Variants in ZNF324B observed in about 807,000 individuals in gnomAD.
ZNF324B encodes zinc finger protein 324B.
ZNF324B carries 7 observed loss-of-function variants against 10.6 expected under a neutral mutation model. That is an observed-to-expected ratio of 0.66 (90% CI 0.38 to 1.24). The LOEUF (loss-of-function observed/expected upper bound fraction) is 1.24, where lower values mean the gene tolerates loss of function less well. ZNF324B is among the 50% of genes most tolerant of loss of function. The pLI is 0.02. For synonymous variants in ZNF324B, 316 were observed against 321.0 expected, an observed-to-expected ratio of 0.98 and a Z score of 0.17; for missense variants, 640 against 764.7, an observed-to-expected ratio of 0.84 and a Z score of 1.92.
chr19:58,427,358 CTTTCTTTCTTTCTTTCTTTCTTTCTTT>C, the ZNF324B span, among the ~76,000 whole-genome samples: 13 of 55,228 alleles, frequency 2.4e-4, no homozygotes, highest in Admixed American at 1.7e-3. Context: ...TCCTTTCTTT[CTTTCTTTCTTTCTTTCTTTCTTTCTTT>C]CTTTCTTTCT....
At chr19:58,447,277 C>T (rs141562101), upstream of ZNF324B, among the ~76,000 whole-genome samples, 38 of 152,294 alleles carry the variant, frequency 2.5e-4, no homozygotes, top group East Asian at 6.0e-3. Flanking sequence ...CATGCCTGGC[C>T]GACAATGCAG....
chr19:58,435,232 G>C, the ZNF324B span: 8 of 1,590,662 alleles, frequency 5.0e-6, no homozygotes, highest in East Asian at 6.7e-5. Context: ...AGAAATGCCA[G>C]TTAACTAAGA....
chr19:58,431,635 G>A, the ZNF324B span, among the ~76,000 whole-genome samples: 1 of 152,162 alleles, frequency 6.6e-6, no homozygotes, highest in African/African-American at 2.4e-5. Context: ...TATGGGGGAG[G>A]TCAAAGAAAC....
upstream of ZNF324B, among the ~76,000 whole-genome samples, chr19:58,450,257 T>C (rs2052845937): frequency 6.6e-6 from 1 of 152,140 alleles, no homozygotes; most frequent in South Asian, 2.1e-4. Context: ...AAACCTCTTT[T>C]TCTTTATAAA....
the ZNF324B span, chr19:58,442,945 A>C: frequency 1.2e-4 from 19 of 152,390 alleles, no homozygotes; most frequent in African/African-American, 4.6e-4. Context: ...TTGGGTGGCC[A>C]GCTTTTATTC....
chr19:58,446,507 A>T, the ZNF324B span, among the ~76,000 whole-genome samples: 2 of 150,364 alleles, frequency 1.3e-5, no homozygotes, highest in African/African-American at 4.9e-5. Context: ...ATGCTCACTC[A>T]TGATGGGGTT....
chr19:58,455,504 G>A lies in ZNF324B; in HGVS notation c.560G>A (p.Arg187Lys), dbSNP rs757680774. ...KTFTEYRVPGRQPRTPERQKP... is the reference protein window; with the variant it reads ...KTFTEYRVPGKQPRTPERQKP... ...TTCACAGAGTACCGGGTGCCTGGGA[G>A]GCAGCCCAGGACGCCTGAGCGGCAG... Residue 187 changes from arginine (R) to lysine (K), a missense_variant, in exon 4 of 4, where the codon AGG becomes AAG. This residue lies in a region of ZNF324B where 345 missense variants were observed against 387.9 expected (regional missense o/e 0.89). Transcript: ENST00000336614. This position sits in a 1 kb window ranked among gnomAD's most constrained non-coding sequence, Gnocchi z 7.0. 1.9e-6 allele frequency: 3 copies of A among 1,613,986 alleles called. No homozygotes were observed. Among genetic ancestry groups the A allele is most frequent in the Non-Finnish European group, 2.5e-6 (3 of 1,179,996 alleles).
intron 2 of ZNF324B, 71 bp downstream of exon 2, chr19:58,453,893 G>A: frequency 6.4e-7 from 1 of 1,563,932 alleles, no homozygotes; most frequent in Non-Finnish European, 8.7e-7. Context: ...TTCCCTCCTG[G>A]TTGATGAGCA....
the ZNF324B span, chr19:58,442,713 T>C: frequency 6.6e-6 from 1 of 152,344 alleles, no homozygotes; most frequent in Non-Finnish European, 1.5e-5. Flanking sequence ...GCAATGAGTG[T>C]TACAGCTCGT....
the ZNF324B span, among the ~76,000 whole-genome samples, chr19:58,437,482 T>C: frequency 3.3e-5 from 5 of 152,146 alleles, no homozygotes; most frequent in African/African-American, 4.8e-5. Flanking sequence ...GGTGGGCAGA[T>C]GGATGCTTCC....
upstream of ZNF324B, among the ~76,000 whole-genome samples, chr19:58,449,536 G>T (rs2052841333): frequency 6.6e-6 from 1 of 152,216 alleles, no homozygotes; most frequent in Non-Finnish European, 1.5e-5. Context: ...GAGGGAGGCT[G>T]TACCCTGCAA....
chr19:58,440,551 C>T, the ZNF324B span: 1 of 152,416 alleles, frequency 6.6e-6, no homozygotes, highest in African/African-American at 2.4e-5. Context: ...CTTGGAGGCT[C>T]CCTGGGCCCA....
In ZNF324B at chr19:58,456,958, G is replaced by A; in HGVS notation, c.*379G>A. ...GGGGGATGCGGACATGGGGTAGGAT[G>A]ACCTAGAGAAACTTATGATGTCTGC... On this transcript the variant is annotated 3_prime_UTR_variant, in exon 4 of 4. Transcript: ENST00000336614. This position sits in a 1 kb window ranked among gnomAD's most constrained non-coding sequence, Gnocchi z 4.7. 1 of 278,574 alleles carries A rather than the reference G, an allele frequency of 3.6e-6. No individual in the cohort carries two copies. The highest frequency in any genetic ancestry group is 7.2e-5 in the East Asian group (1 of 13,826). The allele number at this position is 278,574 out of a possible 1,614,324, so 17.3% of individuals were successfully genotyped here. A position where few individuals can be genotyped will look rare whatever the true frequency, so the allele number is the denominator to read the frequency against.
At chr19:58,448,596 G>A (rs538080048), upstream of ZNF324B, among the ~76,000 whole-genome samples, 10 of 152,206 alleles carry the variant, frequency 6.6e-5, no homozygotes, top group South Asian at 2.1e-4. Context: ...GCATGATGGC[G>A]GGTGCCTGTA....
upstream of ZNF324B, among the ~76,000 whole-genome samples, chr19:58,449,039 A>T (rs2052839423): frequency 6.6e-6 from 1 of 152,168 alleles, no homozygotes; most frequent in Non-Finnish European, 1.5e-5. Flanking sequence ...GCCTAGGAGG[A>T]AAAAATGGTT....
At chr19:58,427,496 TTCTTTCTTTTTCTTTC>T in the ZNF324B span, among the ~76,000 whole-genome samples, 3 of 100,056 alleles carry the variant, frequency 3.0e-5, no homozygotes, top group African/African-American at 1.3e-4. Flanking sequence ...CTTCCTTCCT[TTCTTTCTTTTTCTTTC>T]TTTCTTTCTT....
chr19:58,455,064 C>T lies in ZNF324B; in HGVS notation c.239-119C>T. On this transcript the variant is annotated intron_variant, in intron 3 of 3. Transcript: ENST00000336614. The surrounding 1 kb of genome is among the most constrained non-coding windows in gnomAD (Gnocchi z 7.0). ...CCCTCCTGCAGAGCCAGCCTCACCT[C>T]TTCTTTTTCCCTAAGCTTTTGTCCC... 1 of 1,409,816 alleles carries T rather than the reference C, an allele frequency of 7.1e-7. No individual in the cohort carries two copies. Among genetic ancestry groups the T allele is most frequent in the Non-Finnish European group, 1.0e-6 (1 of 1,000,036 alleles). The allele number at this position is 1,409,816 out of a possible 1,614,324, so 87.3% of individuals were successfully genotyped here.
In ZNF324B at chr19:58,455,394, C is replaced by T. The variant is rs2052905145; in HGVS notation, c.450C>T (p.Gly150=). 3 of 1,614,104 alleles carry T rather than the reference C, an allele frequency of 1.9e-6. No individual in the cohort carries two copies. The highest frequency in any genetic ancestry group is 1.6e-4 in the Middle Eastern group (1 of 6,084). ...TCTACTGGGAGAGGCTCCTGCTAGG[C>T]TCGCGCAGTGACCAGGCCAGCATCA... ...SVIYWERLLL[G]SRSDQASISL... Residue 150 remains glycine, a synonymous_variant, in exon 4 of 4, where the codon GGC becomes GGT. Transcript: ENST00000336614. The surrounding 1 kb of genome is among the most constrained non-coding windows in gnomAD (Gnocchi z 7.0).
chr19:58,437,062 G>A, the ZNF324B span: 3 of 1,614,180 alleles, frequency 1.9e-6, no homozygotes, highest in Admixed American at 5.0e-5. Context: ...GAGGTCACAA[G>A]CTCAAGGTTT....
Sources: gnomAD v4.1 joint callset for allele counts (sites outside exome capture counted in the v4.1 genomes callset) on GRCh38, gnomAD v4.1.1 for gene constraint, gnomAD v4.1.1 regional missense constraint, Gnocchi (gnomAD v3.1) non-coding constraint, MANE v1.5 for transcripts, NCBI Gene and HGNC (gene_info 2026-07-23, HGNC 2026-07-21) for gene names.